The following TMEM176B variants were observed in gnomAD, a reference collection of about 807,000 sequenced individuals.
TMEM176B encodes the protein transmembrane protein 176B, also known as LR8-like protein.
In TMEM176B, 28 loss-of-function variants were observed where a neutral mutation model predicts 30.3. That is an observed-to-expected ratio of 0.92 (90% CI 0.68 to 1.27). TMEM176B has a LOEUF of 1.27. Ranked by LOEUF, TMEM176B falls within the 50% of genes most tolerant of loss-of-function variation. TMEM176B has a pLI of 0.00. For missense variants in TMEM176B, 349 were observed against 327.4 expected, an observed-to-expected ratio of 1.07 and a Z score of -0.51; for synonymous variants, 123 against 130.3, an observed-to-expected ratio of 0.94 and a Z score of 0.38.
At chr7:150,797,514 G>C (rs544630079) in intron 1 of TMEM176B, among the ~76,000 whole-genome samples, 1 of 152,358 alleles carries the variant, frequency 6.6e-6, no homozygotes, top group Admixed American at 6.5e-5. Flanking sequence ...TCTCTTTGAG[G>C]TGATCATCCT....
upstream of TMEM176B, chr7:150,801,071 G>A (rs1798764459): frequency 1.1e-6 from 1 of 879,456 alleles, no homozygotes. Context: ...GGTGGAGCGG[G>A]AGGTCGGCGG....
intron 1 of TMEM176B, 109 bp from the exon 2 acceptor site, chr7:150,796,683 G>T: frequency 9.1e-7 from 1 of 1,103,136 alleles, no homozygotes; most frequent in Non-Finnish European, 1.3e-6. Flanking sequence ...TCCCAGCTGG[G>T]CACAATAGCT....
chr7:150,797,567 TAGAC>T (rs1385923100), intron 1 of TMEM176B, among the ~76,000 whole-genome samples: 1 of 152,246 alleles, frequency 6.6e-6, no homozygotes, highest in Non-Finnish European at 1.5e-5. Context: ...AGTCCAGGGT[TAGAC>T]AGGCAGTTGC....
In TMEM176B at chr7:150,791,445, G is replaced by T; in HGVS notation, c.*86C>A. 2 of 1,100,636 alleles carry T rather than the reference G, an allele frequency of 1.8e-6. No homozygotes were observed. Among genetic ancestry groups the T allele is most frequent in the South Asian group, 1.4e-5 (1 of 73,936 alleles). 68.2% of individuals were successfully genotyped at this position (1,100,636 alleles called of 1,614,324 possible). A position where few individuals can be genotyped will look rare whatever the true frequency, so the allele number is the denominator to read the frequency against. Reference sequence around the variant, plus strand: ...AGGAGGGTCTGGAGAGCGGCCATAGGGGAGGCAAGTGTGAGGAGCCAGGAG... The same window carrying T: ...AGGAGGGTCTGGAGAGCGGCCATAGTGGAGGCAAGTGTGAGGAGCCAGGAG... On this transcript the variant is annotated 3_prime_UTR_variant, in exon 7 of 7. Transcript: ENST00000326442.
rs754465511 is a variant in TMEM176B, at chr7:150,791,635, A to AG, written c.721-13dup. The AG allele has an allele frequency of 6.2e-7, 1 of 1,610,884 alleles. No individual in the cohort carries two copies. Among genetic ancestry groups the AG allele is most frequent in the Non-Finnish European group, 8.5e-7 (1 of 1,177,832 alleles). ...GATCCTTCCTCATTCTGGAAAAAAA[A>AG]GAAAAAAGAAATCCTTAGGGGAAAA... On this transcript the variant is annotated splice_polypyrimidine_tract_variant and intron_variant, in intron 6 of 6. Coordinates refer to ENST00000326442, the MANE Select transcript of TMEM176B (RefSeq NM_001101312.2).
Position 150,793,178 on chromosome 7 carries a change from G to C in TMEM176B, c.510C>G (p.Val170=). Residue 170 remains valine (V), a synonymous_variant, in exon 5 of 7, where the codon GTC becomes GTG. Coordinates refer to ENST00000326442, the MANE Select transcript of TMEM176B (RefSeq NM_001101312.2). ...TCCATCTGTACCCAGTGGTAGGGAA[G>C]ACAGGGTCTGAGCGATCACACACAG... is the stretch of plus-strand genomic sequence containing the variant. The part of the protein sequence containing the change: ...IDTVCDRSDP[V]FPTTGYRWMR... The C allele has an allele frequency of 1.1e-5, 18 of 1,614,216 alleles. No individual in the cohort carries two copies. Among genetic ancestry groups the C allele is most frequent in the Non-Finnish European group, 1.4e-5 (17 of 1,180,042 alleles).
intron 1 of TMEM176B, among the ~76,000 whole-genome samples, chr7:150,799,236 T>C (rs1798660498): frequency 6.6e-6 from 1 of 152,240 alleles, no homozygotes; most frequent in Non-Finnish European, 1.5e-5. Context: ...GATTTAAAAT[T>C]CTCTCCTGAG....
chr7:150,791,923 T>C, intron 6 of TMEM176B, 133 bp downstream of exon 6: 1 of 1,328,316 alleles, frequency 7.5e-7, no homozygotes, highest in Admixed American at 2.2e-5. Context: ...AGGGGAGAGC[T>C]GCATATGGAA....
chr7:150,800,208 G>T (rs1798719103), intron 1 of TMEM176B, 90 bp downstream of exon 1: 1 of 152,464 alleles, frequency 6.6e-6, no homozygotes, highest in South Asian at 2.1e-4. Context: ...CCTGTGGACA[G>T]GACGGGGTGG....
chr7:150,801,308 A>C, upstream of TMEM176B: 1 of 481,232 alleles, frequency 2.1e-6, no homozygotes, highest in Non-Finnish European at 3.6e-6. Flanking sequence ...ATCTTGGGCG[A>C]AAGGGGAGGT....
chr7:150,797,953 A>C (rs1205439909), intron 1 of TMEM176B, among the ~76,000 whole-genome samples: 1 of 152,196 alleles, frequency 6.6e-6, no homozygotes, highest in Non-Finnish European at 1.5e-5. Context: ...TCCTCCACGG[A>C]GGTGGTAGCA....
chr7:150,798,280 G>GTATT (rs1798603815), intron 1 of TMEM176B, among the ~76,000 whole-genome samples: 1 of 151,938 alleles, frequency 6.6e-6, no homozygotes, highest in Non-Finnish European at 1.5e-5. Context: ...TTTTTATTAT[G>GTATT]TATTTATTTA....
At chr7:150,792,914 C>A (rs1798368903) in intron 5 of TMEM176B, among the ~76,000 whole-genome samples, 174 bp downstream of exon 5, 1 of 152,184 alleles carries the variant, frequency 6.6e-6, no homozygotes, top group African/African-American at 2.4e-5. Flanking sequence ...TTCAGAGAAT[C>A]TTCGTGTCAT....
At chr7:150,794,359 C>A (rs556100315) in intron 2 of TMEM176B, among the ~76,000 whole-genome samples, 2 of 152,006 alleles carry the variant, frequency 1.3e-5, no homozygotes, top group Non-Finnish European at 2.9e-5. Context: ...TTTTCCCCCC[C>A]CATTCTCCTT....
chr7:150,794,907 C>CCACACACACACACACA (rs3220239), intron 2 of TMEM176B, among the ~76,000 whole-genome samples: 63 of 141,688 alleles, frequency 4.4e-4, no homozygotes, highest in Non-Finnish European at 7.8e-4. Context: ...TCCCCTACTA[C>CCACACACACACACACA]CACACACACA....
intron 2 of TMEM176B, among the ~76,000 whole-genome samples, chr7:150,795,075 T>C (rs745699081): frequency 6.6e-6 from 1 of 152,190 alleles, no homozygotes; most frequent in Non-Finnish European, 1.5e-5. Context: ...TCCCATGCCA[T>C]GGAGGTCTGT....
At position 150,793,824 on chromosome 7, in the gene TMEM176B, C is replaced by T. The variant is rs1016206417; in HGVS notation, c.315+137G>A. The T allele has an allele frequency of 1.5e-5, 13 of 876,882 alleles. No individual in the cohort carries two copies. The East Asian group carries it at 2.8e-4, about 19-fold the overall frequency. 54.3% of individuals were successfully genotyped at this position (876,882 alleles called of 1,614,324 possible). On this transcript the variant is annotated intron_variant, in intron 3 of 6. Transcript: ENST00000326442. ...ACAGGGTTTTAGCTACACCCCAGAGCAGCCTCCTCATGGCCAAAGGCCATT... is the reference window on the plus strand; with the variant it reads ...ACAGGGTTTTAGCTACACCCCAGAGTAGCCTCCTCATGGCCAAAGGCCATT...
rs913321863 is a variant in TMEM176B, at chr7:150,792,013, A to C, written c.720+43T>G. The C allele has an allele frequency of 2.5e-6, 4 of 1,611,124 alleles. No individual in the cohort carries two copies. In the African/African-American group the frequency reaches 4.0e-5, roughly 16 times the overall value. On this transcript the variant is annotated intron_variant, in intron 6 of 6. Coordinates refer to ENST00000326442, the MANE Select transcript of TMEM176B (RefSeq NM_001101312.2). ...CTCCTACCTGTCCCACACACTCACCACCCAGACTCACGCTGCCCAGAGGCC... is the reference window on the plus strand; with the variant it reads ...CTCCTACCTGTCCCACACACTCACCCCCCAGACTCACGCTGCCCAGAGGCC...
intron 2 of TMEM176B, among the ~76,000 whole-genome samples, chr7:150,795,725 G>A (rs994184649): frequency 1.3e-5 from 2 of 152,204 alleles, no homozygotes; most frequent in African/African-American, 4.8e-5. Flanking sequence ...GTGCCAAAGA[G>A]GAGGTCGATT....
Sources: gnomAD v4.1 joint callset for allele counts (sites outside exome capture counted in the v4.1 genomes callset) on GRCh38, gnomAD v4.1.1 for gene constraint, MANE v1.5 for transcripts, NCBI Gene and HGNC (gene_info 2026-07-23, HGNC 2026-07-21) for gene names.